The following RTN3 variants were observed in gnomAD, a reference collection of about 807,000 sequenced individuals.
The protein encoded by RTN3 is reticulon 3, also known as reticulon-3.
A neutral mutation model predicts 77.8 loss-of-function variants in RTN3; 49 were observed. The observed-to-expected ratio is 0.63, with a 90% confidence interval of 0.50 to 0.80. The LOEUF is 0.80. RTN3 is among the 30% of genes least tolerant of loss of function. The probability of loss-of-function intolerance (pLI) is 0.00; values close to 1 mark genes in which losing one functional copy is unlikely to be tolerated. For missense variants in RTN3, 1,236 were observed against 1,211.9 expected (o/e 1.02, Z -0.29); for synonymous variants, 464 against 446.9 (o/e 1.04, Z -0.48).
chr11:63,727,597 A>G (rs541048641), intron 3 of RTN3, among the ~76,000 whole-genome samples: 1 of 152,328 alleles, frequency 6.6e-6, no homozygotes, highest in African/African-American at 2.4e-5. Context: ...ACTTGATAGC[A>G]TACTAAAGAA....
chr11:63,749,796 G>A (rs1175616907), intron 3 of RTN3, among the ~76,000 whole-genome samples, 195 bp from the exon 4 acceptor site: 1 of 152,150 alleles, frequency 6.6e-6, no homozygotes, highest in Non-Finnish European at 1.5e-5. Flanking sequence ...GTGAAGGCAG[G>A]AGGATCACTT....
intron 1 of RTN3, among the ~76,000 whole-genome samples, chr11:63,699,581 A>G (rs1942136304): frequency 6.6e-6 from 1 of 152,162 alleles, no homozygotes; most frequent in Admixed American, 6.5e-5. Flanking sequence ...CCCTTACTTA[A>G]AAACCTTCAG....
At chr11:63,743,495 G>T (rs182321407) in intron 3 of RTN3, among the ~76,000 whole-genome samples, 3 of 152,182 alleles carry the variant, frequency 2.0e-5, no homozygotes, top group Admixed American at 2.0e-4. Context: ...TTAAAATGGA[G>T]AATTATTTTG....
Position 63,720,469 on chromosome 11 carries a change from C to T in RTN3, c.1967C>T (p.Ala656Val). ...IDDSSPEDLI[A>V]AFTETRDKGI... ...GATTCCTCCCCAGAGGACCTGATAG[C>T]AGCCTTTACAGAAACCAGAGATAAA... Residue 656 changes from alanine (A) to valine (V), a missense_variant, in exon 3 of 9, where the codon GCA (alanine) becomes GTA (valine). By Grantham distance (64) the Ala-to-Val change is moderately conservative. This residue lies in a region of RTN3 where 1,056 missense variants were observed against 990.4 expected (regional missense o/e 1.07). Transcript: ENST00000377819. 6.2e-7 allele frequency: 1 copy of T among 1,612,974 alleles called. No homozygotes were observed. The highest frequency in any genetic ancestry group is 1.1e-5 in the South Asian group (1 of 90,846).
At chr11:63,705,335 C>T (rs954935556) in intron 2 of RTN3, among the ~76,000 whole-genome samples, 1 of 151,974 alleles carries the variant, frequency 6.6e-6, no homozygotes, top group African/African-American at 2.4e-5. Flanking sequence ...AGAAAATATC[C>T]GGGCATAGGT....
At chr11:63,726,656 T>C (rs1814773887) in intron 3 of RTN3, among the ~76,000 whole-genome samples, 1 of 149,560 alleles carries the variant, frequency 6.7e-6, no homozygotes, top group South Asian at 2.1e-4. Flanking sequence ...AGATCAGGAG[T>C]TCAAGACCAG....
intron 4 of RTN3, among the ~76,000 whole-genome samples, chr11:63,750,856 C>A (rs1267126133): frequency 6.6e-6 from 1 of 151,878 alleles, no homozygotes; most frequent in Admixed American, 6.6e-5. Context: ...CTCAGCCTCC[C>A]GAGTAGCTGG....
intron 2 of RTN3, among the ~76,000 whole-genome samples, chr11:63,717,024 G>A (rs925263437): frequency 6.6e-6 from 1 of 151,264 alleles, no homozygotes; most frequent in African/African-American, 2.4e-5. Flanking sequence ...TTAGCCAGGT[G>A]TGGTGGCATG....
chr11:63,758,223 A>C lies in RTN3; in HGVS notation c.*22A>C. On this transcript the variant is annotated 3_prime_UTR_variant, in exon 9 of 9. Transcript: ENST00000377819. ...ATAAGTACATGGAAACCAGAAATGCAACAGTTACTAAAACACCATTTAATA... is the reference window on the plus strand; with the variant it reads ...ATAAGTACATGGAAACCAGAAATGCCACAGTTACTAAAACACCATTTAATA... The C allele has an allele frequency of 1.2e-6, 2 of 1,613,796 alleles. 1 individual carries two copies. The highest frequency in any genetic ancestry group is 2.2e-5 in the South Asian group (2 of 90,884).
intron 1 of RTN3, among the ~76,000 whole-genome samples, chr11:63,691,379 C>A (rs965088345): frequency 6.6e-6 from 1 of 152,010 alleles, no homozygotes; most frequent in African/African-American, 2.4e-5. Context: ...CCTTGGCCTC[C>A]TAAAATGCTG....
chr11:63,715,482 C>G (rs533613558), intron 2 of RTN3, among the ~76,000 whole-genome samples: 1 of 152,162 alleles, frequency 6.6e-6, no homozygotes, highest in East Asian at 1.9e-4. Context: ...CGTGGTGAAA[C>G]CAGCTCTCTA....
chr11:63,704,418 A>G (rs1590806184), intron 1 of RTN3, among the ~76,000 whole-genome samples: 1 of 152,326 alleles, frequency 6.6e-6, no homozygotes, highest in East Asian at 1.9e-4. Flanking sequence ...CCAATTAGAT[A>G]TTTTCAAATG....
chr11:63,682,307 G>GA (rs1381026254), intron 1 of RTN3, among the ~76,000 whole-genome samples: 2 of 152,164 alleles, frequency 1.3e-5, no homozygotes. Flanking sequence ...AAGTTTAATG[G>GA]AAGCATTGTA....
At chr11:63,709,195 G>C (rs1942632972) in intron 2 of RTN3, among the ~76,000 whole-genome samples, 1 of 152,150 alleles carries the variant, frequency 6.6e-6, no homozygotes, top group African/African-American at 2.4e-5. Context: ...ATGGCATTTT[G>C]AAGTTAATAT....
chr11:63,682,533 C>CT (rs1161354955), intron 1 of RTN3, among the ~76,000 whole-genome samples: 1 of 151,826 alleles, frequency 6.6e-6, no homozygotes, highest in Non-Finnish European at 1.5e-5. Flanking sequence ...GACACGCAAT[C>CT]AGTCGCTTAT....
chr11:63,718,423 A>G (rs757412192), intron 2 of RTN3, among the ~76,000 whole-genome samples: 2 of 152,192 alleles, frequency 1.3e-5, no homozygotes, highest in Non-Finnish European at 2.9e-5. Flanking sequence ...TTCTCTGTAC[A>G]ATGGAAAAGT....
chr11:63,683,106 T>G (rs1173389058), intron 1 of RTN3, among the ~76,000 whole-genome samples: 2 of 152,178 alleles, frequency 1.3e-5, no homozygotes, highest in African/African-American at 2.4e-5. Context: ...AGCAGTGAAT[T>G]TTCACCTGTC....
chr11:63,697,283 G>T (rs1185067547), intron 1 of RTN3, among the ~76,000 whole-genome samples: 2 of 151,530 alleles, frequency 1.3e-5, no homozygotes, highest in Non-Finnish European at 2.9e-5. Flanking sequence ...TAGATTTTCA[G>T]CAGGTCCACT....
chr11:63,719,341 A>T lies in RTN3; in HGVS notation c.839A>T (p.Asp280Val), dbSNP rs748818377. ...DDFGSWSVHT[D>V]KESSEDISET... ...TTTGGTAGCTGGTCTGTGCACACTG[A>T]TAAAGAATCATCCGAAGACATTTCA... Residue 280 changes from aspartate to valine, a missense_variant, in exon 3 of 9, where the codon GAT becomes GTT. Coordinates refer to ENST00000377819, the MANE Select transcript of RTN3 (RefSeq NM_001265589.2). 1 of 1,614,226 alleles carries T rather than the reference A, an allele frequency of 6.2e-7. No individual in the cohort carries two copies. The highest frequency in any genetic ancestry group is 8.5e-7 in the Non-Finnish European group (1 of 1,180,036).
Sources: gnomAD v4.1 joint callset for allele counts (sites outside exome capture counted in the v4.1 genomes callset) on GRCh38, gnomAD v4.1.1 for gene constraint, gnomAD v4.1.1 regional missense constraint, MANE v1.5 for transcripts, NCBI Gene and HGNC (gene_info 2026-07-23, HGNC 2026-07-21) for gene names.